The following NDST3 variants were observed in gnomAD, a reference collection of about 807,000 sequenced individuals.
The protein encoded by NDST3 is bifunctional heparan sulfate N-deacetylase/N-sulfotransferase 3.
In NDST3, 58 loss-of-function variants were observed where a neutral mutation model predicts 96.1. The observed-to-expected ratio is 0.60, with a 90% CI of 0.49 to 0.75. The LOEUF is 0.75. Among genes scored for constraint, NDST3 ranks in the 30% least tolerant of loss-of-function variants. The pLI is 0.00. For synonymous variants in NDST3, 333 were observed against 359.7 expected, an observed-to-expected ratio of 0.93 and a Z score of 0.84; for missense variants, 788 against 1,034.2, an observed-to-expected ratio of 0.76 and a Z score of 3.27.
chr4:118,118,067 CAT>C (rs1327014570), intron 4 of NDST3, among the ~76,000 whole-genome samples: 1 of 152,132 alleles, frequency 6.6e-6, no homozygotes, highest in Non-Finnish European at 1.5e-5. Flanking sequence ...TATCACTTCT[CAT>C]GTGTAGTTAC....
intron 6 of NDST3, among the ~76,000 whole-genome samples, chr4:118,148,582 A>G (rs1213175354): frequency 2.0e-5 from 3 of 152,220 alleles, no homozygotes; most frequent in African/African-American, 7.2e-5. Context: ...TAGAGTGAAT[A>G]TCTTAAACTA....
chr4:118,102,460 T>G, intron 2 of NDST3, among the ~76,000 whole-genome samples: 1 of 152,120 alleles, frequency 6.6e-6, no homozygotes, highest in East Asian at 1.9e-4. Context: ...ACTTAATTTA[T>G]TATAATTAGA....
At chr4:118,055,944 G>A (rs1725401419) in intron 2 of NDST3, among the ~76,000 whole-genome samples, 1 of 151,826 alleles carries the variant, frequency 6.6e-6, no homozygotes, top group Non-Finnish European at 1.5e-5. Flanking sequence ...AGAGTGTGAA[G>A]ACTGAAAAGA....
At chr4:118,121,171 A>C (rs2125874067) in intron 4 of NDST3, among the ~76,000 whole-genome samples, 1 of 152,172 alleles carries the variant, frequency 6.6e-6, no homozygotes, top group East Asian at 1.9e-4. Context: ...GCTTTGTGTA[A>C]TCCCTATATT....
rs1028848116 is a variant in NDST3 at position 118,194,167 on chromosome 4, C to T, written c.1540-30324C>T. The T allele has an allele frequency of 6.1e-6, 5 of 818,896 alleles. No homozygotes were observed. The African/African-American group carries it at 8.4e-5, about 14-fold the overall frequency. The allele number at this position is 818,896 out of a possible 1,614,324, so 50.7% of individuals were successfully genotyped here. On this transcript the variant is annotated intron_variant, in intron 6 of 13. Transcript: ENST00000296499. Reference sequence around the variant, plus strand: ...CTTTCTACATGCACTGAATGGCCCTCTCCAGACCATAAGGCAGATCCAGAT... The same window carrying T: ...CTTTCTACATGCACTGAATGGCCCTTTCCAGACCATAAGGCAGATCCAGAT...
chr4:118,177,563 C>T (rs1736353017), intron 6 of NDST3, among the ~76,000 whole-genome samples: 1 of 151,936 alleles, frequency 6.6e-6, no homozygotes, highest in African/African-American at 2.4e-5. Flanking sequence ...AACATCATGA[C>T]CCTATAGATT....
chr4:118,066,137 TATATTTTA>T (rs1560617556), intron 2 of NDST3, among the ~76,000 whole-genome samples: 7 of 30,230 alleles, frequency 2.3e-4, no homozygotes, highest in South Asian at 2.2e-3. Flanking sequence ...TATTATATAA[TATATTTTA>T]TATATTATAT....
chr4:118,201,646 T>C (rs1257645575), intron 6 of NDST3, among the ~76,000 whole-genome samples: 2 of 152,166 alleles, frequency 1.3e-5, no homozygotes, highest in African/African-American at 4.8e-5. Flanking sequence ...GTGTTTTGCC[T>C]GTTGATTTGT....
intron 6 of NDST3, among the ~76,000 whole-genome samples, chr4:118,212,279 T>C (rs1738849200): frequency 6.6e-6 from 1 of 152,212 alleles, no homozygotes; most frequent in African/African-American, 2.4e-5. Flanking sequence ...CTCATGCCTG[T>C]AATCCCATCA....
intron 3 of NDST3, among the ~76,000 whole-genome samples, chr4:118,105,918 A>T (rs936283159): frequency 2.6e-5 from 4 of 152,166 alleles, no homozygotes; most frequent in African/African-American, 7.2e-5. Flanking sequence ...GTACCTGTTT[A>T]TATTCCCAAC....
At chr4:118,106,879 A>T (rs1298778820) in intron 3 of NDST3, among the ~76,000 whole-genome samples, 1 of 152,142 alleles carries the variant, frequency 6.6e-6, no homozygotes, top group Non-Finnish European at 1.5e-5. Flanking sequence ...TCGCGAGGTC[A>T]GGAGATCGAG....
At chr4:118,064,572 A>C (rs1726156183) in intron 2 of NDST3, among the ~76,000 whole-genome samples, 8 of 152,134 alleles carry the variant, frequency 5.3e-5, no homozygotes, top group Admixed American at 5.2e-4. Flanking sequence ...CCTATAAAAT[A>C]CATATTAGAA....
chr4:118,149,080 T>C (rs999725345), intron 6 of NDST3, among the ~76,000 whole-genome samples: 3 of 152,156 alleles, frequency 2.0e-5, no homozygotes, highest in Non-Finnish European at 2.9e-5. Context: ...TGCAGCATTA[T>C]TTCTGAGGGC....
At chr4:118,252,160 T>C (rs1288505997) in intron 12 of NDST3, among the ~76,000 whole-genome samples, 1 of 152,216 alleles carries the variant, frequency 6.6e-6, no homozygotes, top group African/African-American at 2.4e-5. Flanking sequence ...AATTATTGAA[T>C]AACAAAAGCT....
intron 1 of NDST3, among the ~76,000 whole-genome samples, chr4:118,036,913 A>G (rs1241823127): frequency 6.6e-6 from 1 of 152,222 alleles, no homozygotes; most frequent in African/African-American, 2.4e-5. Flanking sequence ...TTAAAAATCA[A>G]TTATTGCAGT....
chr4:118,159,640 A>C (rs1193622721), intron 6 of NDST3, among the ~76,000 whole-genome samples: 1 of 152,246 alleles, frequency 6.6e-6, no homozygotes, highest in African/African-American at 2.4e-5. Context: ...AATTCAAAAT[A>C]ATCATCATAA....
chr4:118,120,467 A>G (rs1422377117), intron 4 of NDST3, among the ~76,000 whole-genome samples: 1 of 152,184 alleles, frequency 6.6e-6, no homozygotes, highest in Non-Finnish European at 1.5e-5. Flanking sequence ...AGCTGTCTTT[A>G]GTCATCTAAT....
chr4:118,220,042 T>C (rs1739433892), intron 6 of NDST3, among the ~76,000 whole-genome samples: 2 of 152,072 alleles, frequency 1.3e-5, no homozygotes, highest in South Asian at 2.1e-4. Flanking sequence ...AGTTCAACCA[T>C]TGTGGAAGAC....
intron 2 of NDST3, among the ~76,000 whole-genome samples, chr4:118,104,384 G>A (rs1214246222): frequency 1.3e-5 from 2 of 151,912 alleles, no homozygotes; most frequent in African/African-American, 4.8e-5. Flanking sequence ...AGAAAGAAAA[G>A]TACATTAAAT....
Sources: gnomAD v4.1 joint callset for allele counts (sites outside exome capture counted in the v4.1 genomes callset) on GRCh38, gnomAD v4.1.1 for gene constraint, MANE v1.5 for transcripts, NCBI Gene and HGNC (gene_info 2026-07-23, HGNC 2026-07-21) for gene names.